The following SYT1 variants were observed in gnomAD, a reference collection of about 807,000 sequenced individuals.
SYT1 encodes the protein synaptotagmin-1.
SYT1 carries 8 observed loss-of-function variants against 44.8 expected under a neutral mutation model. The observed-to-expected ratio is 0.18, with a 90% confidence interval of 0.10 to 0.32. The LOEUF is 0.32. Among genes scored for constraint, SYT1 ranks in the 10% least tolerant of loss-of-function variants. The pLI is 1.00. For synonymous variants in SYT1, 154 were observed against 188.8 expected, an observed-to-expected ratio of 0.82 and a Z score of 1.51; for missense variants, 286 against 509.3, an observed-to-expected ratio of 0.56 and a Z score of 4.22.
At chr12:79,093,657 T>C (rs957951388) in intron 3 of SYT1, among the ~76,000 whole-genome samples, 1 of 151,640 alleles carries the variant, frequency 6.6e-6, no homozygotes, top group African/African-American at 2.4e-5. Flanking sequence ...TCATTCAGCT[T>C]TTTATGTATC....
intron 1 of SYT1, among the ~76,000 whole-genome samples, chr12:78,966,001 C>A (rs913183397): frequency 6.6e-6 from 1 of 150,774 alleles, no homozygotes; most frequent in East Asian, 2.0e-4. Context: ...CGCTTGAACC[C>A]GGGCGGCAAA....
chr12:79,247,616 C>T (rs1039809610), intron 4 of SYT1, among the ~76,000 whole-genome samples: 1 of 152,148 alleles, frequency 6.6e-6, no homozygotes, highest in Admixed American at 6.5e-5. Flanking sequence ...TTAGCAACCA[C>T]CTACACATTG....
At chr12:79,274,809 CAT>C (rs1878624566) in intron 4 of SYT1, among the ~76,000 whole-genome samples, 1 of 152,198 alleles carries the variant, frequency 6.6e-6, no homozygotes, top group African/African-American at 2.4e-5. Context: ...GCTGACACAA[CAT>C]AGTACTCATA....
chr12:79,295,865 C>G (rs190137473), intron 6 of SYT1, among the ~76,000 whole-genome samples: 109 of 152,270 alleles, frequency 7.2e-4, no homozygotes, highest in African/African-American at 2.4e-3. Flanking sequence ...CTTCCCAGAG[C>G]CTGCATCAGT....
intron 8 of SYT1, among the ~76,000 whole-genome samples, chr12:79,333,969 T>C (rs1362549991): frequency 6.6e-6 from 1 of 152,210 alleles, no homozygotes; most frequent in Non-Finnish European, 1.5e-5. Context: ...ACTTTATACA[T>C]GGTCCGTGAC....
At chr12:78,885,417 T>G (rs527714139) in intron 1 of SYT1, among the ~76,000 whole-genome samples, 5 of 151,598 alleles carry the variant, frequency 3.3e-5, no homozygotes, top group Non-Finnish European at 7.4e-5. Flanking sequence ...GGAGGACAGG[T>G]GCTATTAATA....
intron 3 of SYT1, among the ~76,000 whole-genome samples, chr12:79,166,697 A>G (rs1025760721): frequency 6.6e-6 from 1 of 151,916 alleles, no homozygotes; most frequent in African/African-American, 2.4e-5. Context: ...AAAAATACCT[A>G]CCTCCCTGGG....
chr12:79,309,496 G>A (rs73351081), intron 8 of SYT1, among the ~76,000 whole-genome samples: 1,616 of 152,120 alleles, frequency 0.011, 31 homozygotes, highest in African/African-American at 0.037. Context: ...AAACTTATTA[G>A]AAATCTGAGA....
chr12:78,952,924 A>G (rs1879038601), intron 1 of SYT1, among the ~76,000 whole-genome samples: 1 of 152,132 alleles, frequency 6.6e-6, no homozygotes, highest in Non-Finnish European at 1.5e-5. Context: ...AGTAAGCCAG[A>G]ATTAGATTAA....
intron 3 of SYT1, among the ~76,000 whole-genome samples, chr12:79,051,726 T>G (rs1254336934): frequency 6.6e-6 from 1 of 152,060 alleles, no homozygotes; most frequent in Non-Finnish European, 1.5e-5. Flanking sequence ...TCTCTGAGAT[T>G]GGATTAAGTA....
chr12:79,160,701 GA>G (rs1325741086), intron 3 of SYT1, among the ~76,000 whole-genome samples: 7 of 152,070 alleles, frequency 4.6e-5, no homozygotes, highest in African/African-American at 1.4e-4. Flanking sequence ...AAGAATAGTT[GA>G]AAATGTGGTC....
rs1002428727 is a variant in SYT1, at chr12:79,049,244, A to G, written c.-18+1882A>G. On this transcript the variant is annotated intron_variant, in intron 3 of 10. Transcript: ENST00000261205. ...CTGTAATTTTCATAATTGTATTGAA[A>G]TAGGATTTAGCCTAGCATACCTCGG... is the stretch of plus-strand genomic sequence containing the variant. Among the ~76,000 whole-genome samples, 5 of 151,930 alleles carry G rather than the reference A, an allele frequency of 3.3e-5. No homozygotes were observed. The South Asian group carries it at 1.0e-3, about 31-fold the overall frequency.
At position 79,273,901 on chromosome 12, in the gene SYT1, T is replaced by C. The variant is rs555689614; in HGVS notation, c.167-11886T>C. 6.6e-5 allele frequency among the ~76,000 whole-genome samples: 10 copies of C among 152,198 alleles called. No individual in the cohort carries two copies. The South Asian group carries it at 1.9e-3, about 28-fold the overall frequency. ...GAGATGGAGACCATCCTGGCCAACA[T>C]GGTGAAACCCCGTCTCTACTAAAAA... On this transcript the variant is annotated intron_variant, in intron 4 of 10. Transcript: ENST00000261205.
At chr12:79,153,343 T>G (rs1592797225) in intron 3 of SYT1, among the ~76,000 whole-genome samples, 1 of 152,160 alleles carries the variant, frequency 6.6e-6, no homozygotes, top group African/African-American at 2.4e-5. Flanking sequence ...TAGCTAGCTA[T>G]CTGGAAAATT....
chr12:78,916,216 G>A (rs760058331), intron 1 of SYT1, among the ~76,000 whole-genome samples: 10 of 152,032 alleles, frequency 6.6e-5, no homozygotes, highest in Non-Finnish European at 1.2e-4. Context: ...GGATTCATCT[G>A]CTGAGATAAG....
At chr12:79,384,499 T>C (rs1437081706) in intron 9 of SYT1, among the ~76,000 whole-genome samples, 1 of 152,194 alleles carries the variant, frequency 6.6e-6, no homozygotes, top group African/African-American at 2.4e-5. Flanking sequence ...ACAAAAATGC[T>C]TAATACTCAG....
At chr12:79,411,499 G>A (rs1868424977) in intron 9 of SYT1, among the ~76,000 whole-genome samples, 2 of 152,060 alleles carry the variant, frequency 1.3e-5, no homozygotes, top group African/African-American at 4.8e-5. Flanking sequence ...CAGGTTCTCT[G>A]GCTCCTTGAC....
At chr12:79,056,869 T>C (rs1033856029) in intron 3 of SYT1, among the ~76,000 whole-genome samples, 3 of 152,000 alleles carry the variant, frequency 2.0e-5, no homozygotes, top group Non-Finnish European at 4.4e-5. Context: ...TTTTAAAACC[T>C]CAATTAATTA....
intron 1 of SYT1, among the ~76,000 whole-genome samples, chr12:78,901,178 A>C (rs772057954): frequency 2.0e-5 from 3 of 152,126 alleles, no homozygotes; most frequent in Non-Finnish European, 4.4e-5. Flanking sequence ...TTAATGTGTC[A>C]TGAAATTTTT....
Sources: allele counts gnomAD v4.1 joint callset (sites outside exome capture counted in the v4.1 genomes callset), GRCh38; gene constraint gnomAD v4.1.1; transcripts MANE v1.5; gene names NCBI Gene and HGNC (gene_info 2026-07-23, HGNC 2026-07-21).